PRKAG2: variants seen among roughly 807,000 people sequenced by gnomAD.
The protein encoded by PRKAG2 is protein kinase AMP-activated non-catalytic subunit gamma 2, also known as 5'-AMP-activated protein kinase subunit gamma-2.
Under a neutral mutation model 69.6 loss-of-function variants are expected in PRKAG2, and 26 were observed. The observed-to-expected ratio is 0.37, with a 90% CI of 0.27 to 0.52. PRKAG2 has a LOEUF of 0.52. Among genes scored for constraint, PRKAG2 ranks in the 20% least tolerant of loss-of-function variants. The pLI is 0.90. For synonymous variants in PRKAG2, 293 were observed against 285.0 expected (o/e 1.03, Z -0.28); for missense variants, 557 against 740.0 (o/e 0.75, Z 2.87).
At chr7:151,667,598 G>A (rs760623209) in intron 4 of PRKAG2, among the ~76,000 whole-genome samples, 1 of 152,176 alleles carries the variant, frequency 6.6e-6, no homozygotes, top group Non-Finnish European at 1.5e-5. Context: ...CCAGATCTGG[G>A]GAGGAGGAAA....
chr7:151,557,803 G>A, intron 15 of PRKAG2: 1 of 676,636 alleles, frequency 1.5e-6, no homozygotes, highest in South Asian at 6.6e-5. Flanking sequence ...CCGGGAGGTG[G>A]AGGTTGCAGT....
intron 8 of PRKAG2, 117 bp downstream of exon 8, chr7:151,574,774 C>A: frequency 6.9e-7 from 1 of 1,457,438 alleles, no homozygotes; most frequent in Non-Finnish European, 9.3e-7. Context: ...ATCAGCACAC[C>A]ATACCAAAAA....
chr7:151,684,381 G>A (rs372644618), intron 3 of PRKAG2, among the ~76,000 whole-genome samples: 54 of 152,294 alleles, frequency 3.5e-4, no homozygotes, highest in African/African-American at 1.3e-3. Context: ...TGAGCTCTGG[G>A]GCCAGAAACC....
chr7:151,797,385 G>A (rs2077607785), intron 1 of PRKAG2, among the ~76,000 whole-genome samples: 1 of 152,068 alleles, frequency 6.6e-6, no homozygotes. Flanking sequence ...GTTGCTGGCT[G>A]GCTCTGAGAC....
chr7:151,862,126 G>A (rs1039973307), intron 1 of PRKAG2, among the ~76,000 whole-genome samples: 1 of 152,070 alleles, frequency 6.6e-6, no homozygotes, highest in Non-Finnish European at 1.5e-5. Context: ...GAAGGTCTAG[G>A]CGCCCGGCCC....
chr7:151,631,067 C>T (rs1258618405), intron 5 of PRKAG2, among the ~76,000 whole-genome samples: 2 of 152,130 alleles, frequency 1.3e-5, no homozygotes, highest in Non-Finnish European at 2.9e-5. Flanking sequence ...TAAGTAATTG[C>T]CTGACTGTGA....
intron 1 of PRKAG2, among the ~76,000 whole-genome samples, chr7:151,871,612 A>G (rs2080221361): frequency 6.6e-6 from 1 of 152,224 alleles, no homozygotes; most frequent in South Asian, 2.1e-4. Flanking sequence ...ACAGCCATCA[A>G]CCGAATTCAA....
chr7:151,698,444 G>C (rs1288288978), intron 3 of PRKAG2, among the ~76,000 whole-genome samples: 1 of 152,142 alleles, frequency 6.6e-6, no homozygotes, highest in Non-Finnish European at 1.5e-5. Context: ...AGGTGGGCCT[G>C]GTGGGAGAAG....
At chr7:151,822,154 AG>A (rs1027141585) in intron 1 of PRKAG2, among the ~76,000 whole-genome samples, 1 of 152,200 alleles carries the variant, frequency 6.6e-6, no homozygotes, top group Non-Finnish European at 1.5e-5. Context: ...AGTAAATAAT[AG>A]AATGTTCCAG....
At chr7:151,862,336 C>T (rs1346220687) in intron 1 of PRKAG2, among the ~76,000 whole-genome samples, 2 of 152,192 alleles carry the variant, frequency 1.3e-5, no homozygotes, top group Non-Finnish European at 2.9e-5. Context: ...AAAAAAATGC[C>T]TCTTTTTGAA....
At chr7:151,582,528 G>A (rs183121633) in intron 6 of PRKAG2, among the ~76,000 whole-genome samples, 3 of 152,294 alleles carry the variant, frequency 2.0e-5, no homozygotes, top group East Asian at 3.9e-4. Flanking sequence ...AGAATTTAAC[G>A]TGCAAAGTGG....
At chr7:151,606,590 T>C (rs1817614399) in intron 5 of PRKAG2, among the ~76,000 whole-genome samples, 1 of 152,162 alleles carries the variant, frequency 6.6e-6, no homozygotes, top group Non-Finnish European at 1.5e-5. Context: ...GAGGCTGAGC[T>C]GGGTGGATCA....
intron 1 of PRKAG2, chr7:151,809,576 C>T (rs769219682): frequency 2.3e-4 from 49 of 217,764 alleles, no homozygotes; most frequent in South Asian, 9.5e-4. Flanking sequence ...TGCCAGCTCA[C>T]TTGACTCACA....
At chr7:151,819,067 G>C (rs891870014) in intron 1 of PRKAG2, among the ~76,000 whole-genome samples, 8 of 152,242 alleles carry the variant, frequency 5.3e-5, no homozygotes, top group African/African-American at 1.7e-4. Context: ...GGTGTGCAGA[G>C]TGAGTCAGGA....
intron 15 of PRKAG2, chr7:151,558,462 T>C: frequency 1.0e-6 from 1 of 984,896 alleles, no homozygotes; most frequent in Non-Finnish European, 1.2e-6. Context: ...GCCGGCTCCT[T>C]CTCTACTGAA....
intron 3 of PRKAG2, among the ~76,000 whole-genome samples, chr7:151,720,445 G>A (rs889110170): frequency 1.1e-4 from 16 of 151,604 alleles, no homozygotes; most frequent in African/African-American, 3.9e-4. Context: ...AATCTCTGTG[G>A]GTGTAACACA....
chr7:151,634,878 A>T (rs1460974072), intron 4 of PRKAG2, among the ~76,000 whole-genome samples: 1 of 151,986 alleles, frequency 6.6e-6, no homozygotes, highest in Non-Finnish European at 1.5e-5. Context: ...GCTGGTAAGG[A>T]TGTAGAGAGA....
At chr7:151,570,061 A>G in intron 10 of PRKAG2, 110 bp downstream of exon 10, 2 of 1,281,144 alleles carry the variant, frequency 1.6e-6, no homozygotes, top group East Asian at 2.4e-5. Flanking sequence ...TTAAGGAGGC[A>G]GGCCCTGTTT....
rs1282491267 is a variant in PRKAG2 at position 151,842,056 on chromosome 7, GGATGGTAGTGATGGTAGGTAGTGAT to G, written c.114+34426_114+34450del. On this transcript the variant is annotated intron_variant, in intron 1 of 15. Coordinates refer to ENST00000287878, the MANE Select transcript of PRKAG2 (RefSeq NM_016203.4). ...TAGTGATGGTAGTGATGGTAGGTAG[GGATGGTAGTGATGGTAGGTAGTGAT>G]GATGGTAGTGATGGTAGGTAGGGAT... is the stretch of plus-strand genomic sequence containing the variant. Among the ~76,000 whole-genome samples, 412 of 120,096 alleles carry G rather than the reference GGATGGTAGTGATGGTAGGTAGTGAT, an allele frequency of 3.4e-3. 6 individuals carry two copies. The highest frequency in any genetic ancestry group is 0.013 in the African/African-American group (387 of 30,818). The allele number at this position is 120,096 out of a possible 152,430, so 78.8% of individuals were successfully genotyped here.
Sources: allele counts gnomAD v4.1 joint callset (sites outside exome capture counted in the v4.1 genomes callset), GRCh38; gene constraint gnomAD v4.1.1; transcripts MANE v1.5; gene names NCBI Gene and HGNC (gene_info 2026-07-23, HGNC 2026-07-21).